DENND3: variants seen among roughly 807,000 people sequenced by gnomAD.
The protein encoded by DENND3 is DENN domain-containing protein 3.
A neutral mutation model predicts 135.1 loss-of-function variants in DENND3; 88 were observed. The ratio of observed to expected loss-of-function variants is 0.65; its 90% CI spans 0.55 to 0.78. The LOEUF (loss-of-function observed/expected upper bound fraction) is 0.78. Among genes scored for constraint, DENND3 ranks in the 30% least tolerant of loss-of-function variants. The pLI is 0.00. For missense variants in DENND3, 1,392 were observed against 1,688.4 expected, an observed-to-expected ratio of 0.82 and a Z score of 3.08; for synonymous variants, 693 against 712.3, an observed-to-expected ratio of 0.97 and a Z score of 0.43.
At chr8:141,143,290 A>T (rs1817682258) in intron 4 of DENND3, among the ~76,000 whole-genome samples, 1 of 152,128 alleles carries the variant, frequency 6.6e-6, no homozygotes. Flanking sequence ...TTTTTATTAT[A>T]CTTTAAGTTC....
chr8:141,165,131 G>A (rs1820613600), intron 10 of DENND3, 55 bp from the exon 11 acceptor site: 1 of 1,409,662 alleles, frequency 7.1e-7, no homozygotes, highest in Non-Finnish European at 1.0e-6. Flanking sequence ...GGGCTTTGGA[G>A]CAGGGACCTG....
rs1190016503 is a variant in DENND3, at chr8:141,181,558, C to T, written c.2944+704C>T. 4.6e-5 allele frequency among the ~76,000 whole-genome samples: 7 copies of T among 152,164 alleles called. No homozygotes were observed. In the South Asian group the frequency reaches 6.2e-4, roughly 14 times the overall value. ...TGCTTGGCTTTCCTGGGACCCTGCA[C>T]GCCGCATCAGGGTGGTGGCAGGAGA... is the stretch of plus-strand genomic sequence containing the variant. On this transcript the variant is annotated intron_variant, in intron 17 of 22. Coordinates refer to ENST00000519811, the MANE Select transcript of DENND3 (RefSeq NM_001352890.3).
chr8:141,134,669 C>T (rs1366923918), intron 1 of DENND3, among the ~76,000 whole-genome samples: 3 of 152,102 alleles, frequency 2.0e-5, no homozygotes, highest in African/African-American at 7.2e-5. Context: ...GCGTGCAAAT[C>T]GTCATATAGA....
At position 141,180,756 on chromosome 8, in the gene DENND3, C is replaced by T. The variant is rs143673786; in HGVS notation, c.2846C>T (p.Thr949Met). 2.7e-5 allele frequency: 44 copies of T among 1,612,494 alleles called. No homozygotes were observed. The highest frequency in any genetic ancestry group is 7.7e-5 in the South Asian group (7 of 90,604). Residue 949 changes from threonine (T) to methionine (M), a missense_variant, in exon 17 of 23, where the codon ACG becomes ATG. Transcript: ENST00000519811. ...GTGTCTTGTCTTTCAGTGCCCATGA[C>T]GCTTCCGGAGACAACCCTGGAAACA... The part of the protein sequence containing the change: ...FDKMSNEMPM[T>M]LPETTLETLK...
intron 8 of DENND3, chr8:141,157,900 C>T: frequency 3.5e-6 from 3 of 851,480 alleles, no homozygotes; most frequent in Non-Finnish European, 4.4e-6. Context: ...GCCGGGATTA[C>T]AGGCATCTGT....
At chr8:141,131,340 T>C (rs955469534) in intron 1 of DENND3, among the ~76,000 whole-genome samples, 1 of 152,228 alleles carries the variant, frequency 6.6e-6, no homozygotes, top group Non-Finnish European at 1.5e-5. Context: ...GAGTAGAAAG[T>C]GTTCTGAGTA....
Position 141,180,729 on chromosome 8 carries a change from A to C in DENND3, c.2837-18A>C. On this transcript the variant is annotated intron_variant, in intron 16 of 22. Coordinates refer to ENST00000519811, the MANE Select transcript of DENND3 (RefSeq NM_001352890.3). Reference sequence around the variant, plus strand: ...CTTGAGGCTGCAACAGTAACACTCCAAGTGTCTTGTCTTTCAGTGCCCATG... The same window carrying C: ...CTTGAGGCTGCAACAGTAACACTCCCAGTGTCTTGTCTTTCAGTGCCCATG... 3.7e-6 allele frequency: 6 copies of C among 1,609,620 alleles called. No individual in the cohort carries two copies. Among genetic ancestry groups the C allele is most frequent in the African/African-American group, 1.3e-5 (1 of 74,974 alleles).
At chr8:141,190,562 A>T in intron 20 of DENND3, 145 bp downstream of exon 20, 3 of 1,280,002 alleles carry the variant, frequency 2.3e-6, no homozygotes, top group Non-Finnish European at 2.1e-6. Context: ...CTGTGGTCGC[A>T]GCAACCTTTA....
Position 141,167,854 on chromosome 8 carries a change from G to A in DENND3, c.1754-150G>A, listed in dbSNP as rs984287545. ...TTCTCTCATGCCTCCCAGGGGGGTG[G>A]GTGTGTGGAGCTTTCTGGAGGGAGC... On this transcript the variant is annotated intron_variant, in intron 12 of 22. Coordinates refer to ENST00000519811, the MANE Select transcript of DENND3 (RefSeq NM_001352890.3). The surrounding 1 kb of genome is among the most constrained non-coding windows in gnomAD (Gnocchi z 4.1). 3 of 1,086,624 alleles carry A rather than the reference G, an allele frequency of 2.8e-6. No homozygotes were observed. Among genetic ancestry groups the A allele is most frequent in the Admixed American group, 2.5e-5 (1 of 40,340 alleles). The allele number at this position is 1,086,624 out of a possible 1,614,324, so 67.3% of individuals were successfully genotyped here.
At chr8:141,189,301 G>A (rs3739226) in intron 19 of DENND3, among the ~76,000 whole-genome samples, 155 bp downstream of exon 19, 57,971 of 152,186 alleles carry the variant, frequency 0.38, 11,202 homozygotes, top group East Asian at 0.6. Context: ...TGGTGTCCTC[G>A]GTCTGCTTCT....
chr8:141,145,840 TATATATATA>T (rs1818037168), intron 5 of DENND3, among the ~76,000 whole-genome samples: 3 of 82,840 alleles, frequency 3.6e-5, no homozygotes, highest in African/African-American at 2.6e-4. Flanking sequence ...TATATATATA[TATATATATA>T]TGTATTTTTT....
chr8:141,180,685 G>A (rs1374503109), intron 16 of DENND3, 62 bp from the exon 17 acceptor site: 29 of 1,457,332 alleles, frequency 2.0e-5, no homozygotes, highest in Admixed American at 1.1e-4. Flanking sequence ...GCGTGAGGCC[G>A]TTGCATCGCG....
Position 141,166,163 on chromosome 8 carries a change from C to G in DENND3, c.1554-27C>G. Reference sequence around the variant, plus strand: ...CTTCAATCATTATTGTGTCTATAAACTAACGCGTTGCTTTTTCGTACCCCA... The same window carrying G: ...CTTCAATCATTATTGTGTCTATAAAGTAACGCGTTGCTTTTTCGTACCCCA... On this transcript the variant is annotated intron_variant, in intron 11 of 22. Transcript: ENST00000519811. The surrounding 1 kb of genome is among the most constrained non-coding windows in gnomAD (Gnocchi z 4.3). The G allele has an allele frequency of 6.2e-7, 1 of 1,608,008 alleles. No homozygotes were observed. Among genetic ancestry groups the G allele is most frequent in the Non-Finnish European group, 8.5e-7 (1 of 1,174,546 alleles).
chr8:141,171,920 G>A (rs1169062995), intron 13 of DENND3, among the ~76,000 whole-genome samples: 1 of 151,268 alleles, frequency 6.6e-6, no homozygotes, highest in African/African-American at 2.4e-5. Flanking sequence ...GTGGCCGAGG[G>A]TGTGCATGGT....
At chr8:141,178,923 G>A in intron 16 of DENND3, among the ~76,000 whole-genome samples, 1 of 152,258 alleles carries the variant, frequency 6.6e-6, no homozygotes, top group East Asian at 1.9e-4. Flanking sequence ...CCCTTCATCA[G>A]TGAGTGAGCA....
At position 141,160,576 on chromosome 8, in the gene DENND3, A is replaced by G. The variant is rs2154613061; in HGVS notation, c.1197-56A>G. On this transcript the variant is annotated intron_variant, in intron 8 of 22. Transcript: ENST00000519811. ...TTACCTGGTGGGCTGTGTGCTGGTG[A>G]GCGGCCGTGGCCAGTGCTGCTGGGG... The G allele has an allele frequency of 5.4e-6, 8 of 1,495,112 alleles. No homozygotes were observed. The South Asian group carries it at 9.3e-5, about 17-fold the overall frequency. 92.6% of individuals were successfully genotyped at this position (1,495,112 alleles called of 1,614,324 possible).
Position 141,194,285 on chromosome 8 carries a change from G to A in DENND3, c.*52G>A. ...TGTGCCCTATGTGTGGGGACTGGCT[G>A]CCCCCTAGAGCCTGCCAGGAGCAGA... On this transcript the variant is annotated 3_prime_UTR_variant, in exon 23 of 23. Coordinates refer to ENST00000519811, the MANE Select transcript of DENND3 (RefSeq NM_001352890.3). The A allele has an allele frequency of 1.3e-6, 2 of 1,572,206 alleles. No individual in the cohort carries two copies. Among genetic ancestry groups the A allele is most frequent in the African/African-American group, 1.3e-5 (1 of 74,636 alleles).
intron 16 of DENND3, among the ~76,000 whole-genome samples, chr8:141,179,950 C>T (rs1001019147): frequency 2.6e-5 from 4 of 152,092 alleles, no homozygotes; most frequent in African/African-American, 4.8e-5. Context: ...CAGGAGGGAC[C>T]GCAGAACAGG....
rs946903871 is a variant in DENND3, at chr8:141,167,883, C to T, written c.1754-121C>T. On this transcript the variant is annotated intron_variant, in intron 12 of 22. Transcript: ENST00000519811. The surrounding 1 kb of genome is among the most constrained non-coding windows in gnomAD (Gnocchi z 4.1). ...TGTGGAGCTTTCTGGAGGGAGCACA[C>T]CCATTCTCATTTTATTTTGCATCCA... 25 of 1,392,452 alleles carry T rather than the reference C, an allele frequency of 1.8e-5. No homozygotes were observed. In the African/African-American group the frequency reaches 3.3e-4, roughly 18 times the overall value. 86.3% of individuals were successfully genotyped at this position (1,392,452 alleles called of 1,614,324 possible). A position where few individuals can be genotyped will look rare whatever the true frequency, so the allele number is the denominator to read the frequency against.
Sources: allele counts gnomAD v4.1 joint callset (sites outside exome capture counted in the v4.1 genomes callset), GRCh38; gene constraint gnomAD v4.1.1; non-coding constraint Gnocchi (gnomAD v3.1); transcripts MANE v1.5; gene names NCBI Gene and HGNC (gene_info 2026-07-23, HGNC 2026-07-21).